Variants in ATRNL1 observed in about 807,000 individuals in gnomAD.
ATRNL1 encodes the protein attractin-like protein 1.
A neutral mutation model predicts 182.7 loss-of-function variants in ATRNL1; 95 were observed. The ratio of observed to expected loss-of-function variants is 0.52; its 90% CI spans 0.44 to 0.62. The LOEUF is 0.62. Among genes scored for constraint, ATRNL1 ranks in the 20% least tolerant of loss-of-function variants. The pLI is 0.00. For synonymous variants in ATRNL1, 576 were observed against 568.3 expected (o/e 1.01, Z -0.19); for missense variants, 1,471 against 1,679.5 (o/e 0.88, Z 2.17).
chr10:115,417,574 A>C (rs1845452988), intron 20 of ATRNL1, among the ~76,000 whole-genome samples: 1 of 152,164 alleles, frequency 6.6e-6, no homozygotes, highest in Admixed American at 6.5e-5. Context: ...GAGGTGGGCT[A>C]TCCAACCTTT....
intron 26 of ATRNL1, among the ~76,000 whole-genome samples, chr10:115,622,019 C>T (rs1857799205): frequency 6.6e-6 from 1 of 152,144 alleles, no homozygotes; most frequent in Non-Finnish European, 1.5e-5. Context: ...AAGGGGAGAG[C>T]AGAGGGCTCA....
At chr10:115,201,803 C>T (rs1230742665) in intron 8 of ATRNL1, among the ~76,000 whole-genome samples, 62 of 151,950 alleles carry the variant, frequency 4.1e-4, no homozygotes, top group Non-Finnish European at 7.4e-4. Context: ...TGGCATTGAA[C>T]CTATAAATTA....
At chr10:115,447,608 A>T (rs1554966897) in intron 21 of ATRNL1, among the ~76,000 whole-genome samples, 1 of 151,914 alleles carries the variant, frequency 6.6e-6, no homozygotes, top group Non-Finnish European at 1.5e-5. Context: ...TAATATATGC[A>T]GCCATAGTGC....
chr10:115,698,100 A>C (rs1166999215), intron 26 of ATRNL1, among the ~76,000 whole-genome samples: 1 of 152,210 alleles, frequency 6.6e-6, no homozygotes, highest in Non-Finnish European at 1.5e-5. Flanking sequence ...ATACTTTCAT[A>C]GTTTCTGTAT....
At chr10:115,911,421 G>A (rs113928422) in intron 28 of ATRNL1, among the ~76,000 whole-genome samples, 29,978 of 152,034 alleles carry the variant, frequency 0.2, 3,044 homozygotes, top group African/African-American at 0.22. Flanking sequence ...GTGTTCAAGC[G>A]ATTCTCCTGC....
chr10:115,758,871 A>G (rs1227057048), intron 27 of ATRNL1, among the ~76,000 whole-genome samples: 3 of 152,260 alleles, frequency 2.0e-5, no homozygotes, highest in Admixed American at 2.0e-4. Flanking sequence ...TTTAATTCTT[A>G]TGGGTGTACA....
At chr10:115,884,994 T>A (rs1052407930) in intron 28 of ATRNL1, among the ~76,000 whole-genome samples, 22 of 152,362 alleles carry the variant, frequency 1.4e-4, no homozygotes, top group African/African-American at 5.3e-4. Context: ...GATTACCTGA[T>A]AATTGCACCT....
intron 17 of ATRNL1, among the ~76,000 whole-genome samples, chr10:115,313,108 T>G (rs1554928450): frequency 6.6e-6 from 1 of 152,128 alleles, no homozygotes; most frequent in African/African-American, 2.4e-5. Flanking sequence ...GTAGTCAACC[T>G]TCTGAATTCT....
At chr10:115,573,891 A>G (rs1854550376) in intron 26 of ATRNL1, among the ~76,000 whole-genome samples, 1 of 152,156 alleles carries the variant, frequency 6.6e-6, no homozygotes, top group Non-Finnish European at 1.5e-5. Context: ...TGCTTTCAAA[A>G]TACTGAATAA....
intron 26 of ATRNL1, among the ~76,000 whole-genome samples, chr10:115,556,745 C>T (rs1853335854): frequency 6.6e-6 from 1 of 151,522 alleles, no homozygotes; most frequent in Admixed American, 6.6e-5. Context: ...GAATGATCAG[C>T]ATTATACATT....
chr10:115,404,832 T>A (rs538913968), intron 20 of ATRNL1, among the ~76,000 whole-genome samples: 10 of 151,558 alleles, frequency 6.6e-5, no homozygotes, highest in South Asian at 6.2e-4. Flanking sequence ...TTTTTTTTTT[T>A]AAATCAAAGC....
At chr10:115,552,468 TC>T (rs1180626550) in intron 26 of ATRNL1, among the ~76,000 whole-genome samples, 1 of 151,332 alleles carries the variant, frequency 6.6e-6, no homozygotes, top group Non-Finnish European at 1.5e-5. Flanking sequence ...AAAGGATTCT[TC>T]TTAGAAATTA....
intron 25 of ATRNL1, among the ~76,000 whole-genome samples, chr10:115,544,045 A>G (rs1022934046): frequency 6.6e-6 from 1 of 152,130 alleles, no homozygotes; most frequent in South Asian, 2.1e-4. Flanking sequence ...ATCAATATCT[A>G]TATCATGGAG....
At chr10:115,549,058 T>C (rs1852821970) in intron 25 of ATRNL1, among the ~76,000 whole-genome samples, 1 of 152,156 alleles carries the variant, frequency 6.6e-6, no homozygotes, top group Admixed American at 6.6e-5. Flanking sequence ...TATGTTCATA[T>C]ATAAAATAGT....
chr10:115,427,786 T>A (rs1242642798), intron 21 of ATRNL1, among the ~76,000 whole-genome samples: 1 of 152,102 alleles, frequency 6.6e-6, no homozygotes, highest in African/African-American at 2.4e-5. Flanking sequence ...ATCTATTTGC[T>A]TATTTTTATG....
intron 10 of ATRNL1, among the ~76,000 whole-genome samples, chr10:115,260,188 G>A (rs1592340465): frequency 1.3e-5 from 2 of 152,078 alleles, no homozygotes; most frequent in Non-Finnish European, 2.9e-5. Flanking sequence ...CAGGACTTGT[G>A]TACTTTAAAA....
chr10:115,573,453 G>T (rs966877759), intron 26 of ATRNL1, among the ~76,000 whole-genome samples: 14 of 151,870 alleles, frequency 9.2e-5, no homozygotes, highest in African/African-American at 3.1e-4. Flanking sequence ...CAGGATGGGG[G>T]CATGGCTGGG....
At chr10:115,192,616 T>C (rs1848210479) in intron 8 of ATRNL1, among the ~76,000 whole-genome samples, 1 of 152,138 alleles carries the variant, frequency 6.6e-6, no homozygotes, top group African/African-American at 2.4e-5. Flanking sequence ...AGGATCATTC[T>C]TTCTGTGAAG....
At chr10:115,647,309 A>G (rs1436122940) in intron 26 of ATRNL1, among the ~76,000 whole-genome samples, 14 of 152,160 alleles carry the variant, frequency 9.2e-5, no homozygotes, top group Admixed American at 2.0e-4. Context: ...CTTTGGGTAT[A>G]TACCCAGTAA....
Sources: allele counts gnomAD v4.1 joint callset (sites outside exome capture counted in the v4.1 genomes callset), GRCh38; gene constraint gnomAD v4.1.1; transcripts MANE v1.5; gene names NCBI Gene and HGNC (gene_info 2026-07-23, HGNC 2026-07-21).